TENM2: variants seen among roughly 807,000 people sequenced by gnomAD.
The protein encoded by TENM2 is teneurin transmembrane protein 2, also known as teneurin-2.
TENM2 carries 52 observed loss-of-function variants against 245.2 expected under a neutral mutation model. That is an observed-to-expected ratio of 0.21 (90% CI 0.17 to 0.27). The LOEUF (loss-of-function observed/expected upper bound fraction) is 0.27. Among genes scored for constraint, TENM2 ranks in the 10% least tolerant of loss-of-function variants. TENM2 has a pLI of 1.00. For missense variants in TENM2, 3,046 were observed against 3,666.8 expected (o/e 0.83, Z 4.37); for synonymous variants, 1,363 against 1,438.9 (o/e 0.95, Z 1.19).
At chr5:167,704,628 G>GA (rs1330290891) in intron 2 of TENM2, among the ~76,000 whole-genome samples, 1 of 152,118 alleles carries the variant, frequency 6.6e-6, no homozygotes. Flanking sequence ...GTACAGGCCA[G>GA]AAAAAATCAA....
chr5:167,990,566 A>T (rs903440951), intron 4 of TENM2, among the ~76,000 whole-genome samples: 1 of 152,170 alleles, frequency 6.6e-6, no homozygotes, highest in African/African-American at 2.4e-5. Context: ...CTTGTCAGAA[A>T]TGGCACGACC....
chr5:167,907,157 A>G (rs1012933039), intron 3 of TENM2, among the ~76,000 whole-genome samples: 1 of 152,074 alleles, frequency 6.6e-6, no homozygotes, highest in Admixed American at 6.6e-5. Context: ...ACTTGAACTC[A>G]GGAGGCGGAG....
chr5:167,405,769 A>AAAACACAC (rs1554145973), intron 2 of TENM2, among the ~76,000 whole-genome samples: 19 of 145,186 alleles, frequency 1.3e-4, no homozygotes, highest in Non-Finnish European at 2.4e-4. Context: ...CACACACACA[A>AAAACACAC]ACACACACAC....
At chr5:167,733,838 C>T (rs1196628985) in intron 2 of TENM2, among the ~76,000 whole-genome samples, 2 of 151,916 alleles carry the variant, frequency 1.3e-5, no homozygotes, top group South Asian at 2.1e-4. Flanking sequence ...TCATGTATTG[C>T]GTATATATGT....
the TENM2 span, among the ~76,000 whole-genome samples, chr5:167,021,761 T>C: frequency 6.6e-6 from 1 of 152,130 alleles, no homozygotes; most frequent in Non-Finnish European, 1.5e-5. Context: ...TATAATAGAG[T>C]AAATAGGCTC....
intron 2 of TENM2, among the ~76,000 whole-genome samples, chr5:167,506,438 C>A (rs557751784): frequency 2.0e-5 from 3 of 151,856 alleles, no homozygotes; most frequent in African/African-American, 4.8e-5. Flanking sequence ...CAGAGCAAAC[C>A]AGGAAAAAAA....
chr5:167,565,606 A>G (rs537556617), intron 2 of TENM2, among the ~76,000 whole-genome samples: 1 of 152,358 alleles, frequency 6.6e-6, no homozygotes, highest in East Asian at 1.9e-4. Context: ...TGATAGGGCT[A>G]TCTGCCTTTA....
chr5:167,251,995 A>C, the TENM2 span, among the ~76,000 whole-genome samples: 13 of 152,240 alleles, frequency 8.5e-5, no homozygotes, highest in South Asian at 2.7e-3. Context: ...AAAAATTCCT[A>C]CCAAAGATTT....
intron 2 of TENM2, among the ~76,000 whole-genome samples, chr5:167,432,153 G>T (rs2127445052): frequency 6.6e-6 from 1 of 151,418 alleles, no homozygotes; most frequent in South Asian, 2.1e-4. Flanking sequence ...TAGATTTTTA[G>T]GAGAGATTCG....
At chr5:167,719,003 G>T (rs895505163) in intron 2 of TENM2, among the ~76,000 whole-genome samples, 1 of 152,018 alleles carries the variant, frequency 6.6e-6, no homozygotes, top group Non-Finnish European at 1.5e-5. Context: ...TGTTTTTCAG[G>T]TATACAACTA....
chr5:167,321,782 C>CTTTTTTTTTTTTTTT lies in TENM2; in HGVS notation c.226+36721_226+36722insTTTTTTTTTTTTTTT, dbSNP rs1191717159. 3.3e-5 allele frequency among the ~76,000 whole-genome samples: 2 copies of CTTTTTTTTTTTTTTT among 59,738 alleles called. 1 individual carries two copies. The highest frequency in any genetic ancestry group is 6.2e-5 in the Non-Finnish European group (2 of 32,430). 39.2% of individuals were successfully genotyped at this position (59,738 alleles called of 152,430 possible). A position where few individuals can be genotyped will look rare whatever the true frequency, so the allele number is the denominator to read the frequency against. The stretch of plus-strand genomic sequence containing the variant: ...TGAATCTGTTGTCTTGCTGCCTTGG[C>CTTTTTTTTTTTTTTT]TTATTTTTTTTTTTTTTTTGGGGGG... On this transcript the variant is annotated intron_variant, in intron 1 of 28. Transcript: ENST00000518659.
intron 2 of TENM2, among the ~76,000 whole-genome samples, chr5:167,706,391 CTATA>C (rs532861527): frequency 4.2e-5 from 6 of 144,402 alleles, no homozygotes; most frequent in Non-Finnish European, 7.6e-5. Flanking sequence ...AAATGTGATA[CTATA>C]TATATATATA....
At chr5:167,771,647 A>G (rs56082026) in intron 2 of TENM2, among the ~76,000 whole-genome samples, 169 of 152,246 alleles carry the variant, frequency 1.1e-3, no homozygotes, top group Non-Finnish European at 1.7e-3. Flanking sequence ...CTCATGACCA[A>G]TCCTCTCTGA....
chr5:168,097,315 G>C (rs988757457), intron 8 of TENM2, among the ~76,000 whole-genome samples: 1 of 152,322 alleles, frequency 6.6e-6, no homozygotes, highest in South Asian at 2.1e-4. Flanking sequence ...ATGAAGGTTG[G>C]GGGGTGGTTG....
intron 3 of TENM2, among the ~76,000 whole-genome samples, chr5:167,929,061 GAAAGAAAGAAAGAAAGAAAGAAAGAA>G (rs1778016591): frequency 1.6e-4 from 1 of 6,260 alleles, no homozygotes; most frequent in Non-Finnish European, 4.0e-4. Flanking sequence ...AAGAAAGAGA[GAAAGAAAGAAAGAAAGAAAGAAAGAA>G]AGAAAGAAAG....
chr5:167,104,540 G>T, the TENM2 span, among the ~76,000 whole-genome samples: 1 of 152,196 alleles, frequency 6.6e-6, no homozygotes, highest in Non-Finnish European at 1.5e-5. Flanking sequence ...TACTTTGTAT[G>T]TGCCTTACCT....
At chr5:167,409,669 A>T (rs1026294389) in intron 2 of TENM2, among the ~76,000 whole-genome samples, 7 of 152,070 alleles carry the variant, frequency 4.6e-5, no homozygotes, top group Admixed American at 3.9e-4. Flanking sequence ...TAAATAATAA[A>T]AAATTCCTGT....
At chr5:167,875,177 G>A (rs1773312941) in intron 2 of TENM2, among the ~76,000 whole-genome samples, 1 of 152,168 alleles carries the variant, frequency 6.6e-6, no homozygotes, top group African/African-American at 2.4e-5. Flanking sequence ...CCTAGAGCAG[G>A]CAGATGGGCA....
chr5:167,043,114 T>C, the TENM2 span, among the ~76,000 whole-genome samples: 20 of 152,204 alleles, frequency 1.3e-4, no homozygotes, highest in African/African-American at 4.8e-4. Context: ...TTTTAGATAA[T>C]TGAAGTTACC....
Sources: gnomAD v4.1 joint callset for allele counts (sites outside exome capture counted in the v4.1 genomes callset) on GRCh38, gnomAD v4.1.1 for gene constraint, MANE v1.5 for transcripts, NCBI Gene and HGNC (gene_info 2026-07-23, HGNC 2026-07-21) for gene names.